Variants in TMEM61 observed in about 807,000 individuals in gnomAD.
TMEM61 encodes transmembrane protein 61.
TMEM61 carries 13 observed loss-of-function variants against 12.0 expected under a neutral mutation model. That is an observed-to-expected ratio of 1.08 (90% confidence interval 0.70 to 1.72). The LOEUF is 1.72. Among genes scored for constraint, TMEM61 ranks in the 40% most tolerant of loss-of-function variants. The pLI is 0.00. For missense variants in TMEM61, 249 were observed against 276.9 expected, an observed-to-expected ratio of 0.90 and a Z score of 0.71; for synonymous variants, 109 against 121.4, an observed-to-expected ratio of 0.90 and a Z score of 0.67.
At chr1:54,981,179 TG>T in intron 1 of TMEM61, 99 bp downstream of exon 1, 1 of 1,395,970 alleles carries the variant, frequency 7.2e-7, no homozygotes, top group Non-Finnish European at 9.7e-7. Flanking sequence ...CACCGTGGCT[TG>T]GTGGGCAGTG....
At position 54,980,994 on chromosome 1, in the gene TMEM61, TCCTCCACCACCACA is replaced by T; in HGVS notation, c.-68_-55del. 6.7e-7 allele frequency: 1 copy of T among 1,495,968 alleles called. No homozygotes were observed. Among genetic ancestry groups the T allele is most frequent in the Non-Finnish European group, 9.0e-7 (1 of 1,114,880 alleles). 92.7% of individuals were successfully genotyped at this position (1,495,968 alleles called of 1,614,324 possible). ...CTGGTAGGGTCGCTCAGCCCTGGCGTCCTCCACCACCACACCTTCACCTGCGCCCGGCTCCCTGC... is the reference window on the plus strand; with the variant it reads ...CTGGTAGGGTCGCTCAGCCCTGGCGTCCTTCACCTGCGCCCGGCTCCCTGC... On this transcript the variant is annotated 5_prime_UTR_variant, in exon 1 of 3. Transcript: ENST00000371268.
chr1:54,990,450 G>A (rs1022186842), intron 2 of TMEM61, among the ~76,000 whole-genome samples: 7 of 152,136 alleles, frequency 4.6e-5, no homozygotes, highest in African/African-American at 1.2e-4. Context: ...GGTGCTGGGC[G>A]TTCACCTGAG....
chr1:54,990,088 T>G (rs1015975574), intron 2 of TMEM61, among the ~76,000 whole-genome samples: 2 of 152,124 alleles, frequency 1.3e-5, no homozygotes, highest in African/African-American at 4.8e-5. Flanking sequence ...AGGAGGAATA[T>G]TCTCTGTCCT....
chr1:54,983,330 C>G (rs1446253525), intron 1 of TMEM61, among the ~76,000 whole-genome samples: 1 of 151,822 alleles, frequency 6.6e-6, no homozygotes, highest in Non-Finnish European at 1.5e-5. Flanking sequence ...ACCATATTGC[C>G]CAGGCTGGTC....
chr1:54,985,892 T>C (rs924492064), intron 1 of TMEM61, among the ~76,000 whole-genome samples: 2 of 152,210 alleles, frequency 1.3e-5, no homozygotes, highest in African/African-American at 4.8e-5. Flanking sequence ...GTCATGGTGC[T>C]GATACATGTT....
rs1644259405 is a variant in TMEM61, at chr1:54,986,332, G to A, written c.251G>A (p.Gly84Asp). 1 of 1,613,890 alleles carries A rather than the reference G, an allele frequency of 6.2e-7. No individual in the cohort carries two copies. The highest frequency in any genetic ancestry group is 1.3e-5 in the African/African-American group (1 of 74,928). The change falls in exon 2 of 3, where the codon GGC (glycine) becomes GAC (aspartate). Residue 84 changes from glycine to aspartate, a missense_variant. By Grantham distance (94) the Gly-to-Asp change is moderately conservative. Coordinates refer to ENST00000371268, the MANE Select transcript of TMEM61 (RefSeq NM_182532.3). Reference protein sequence around the residue: ...CGAGGLLLLIGLLWSVKASIP... With the variant: ...CGAGGLLLLIDLLWSVKASIP... ...GCAGGTGGCCTGCTGCTGCTCATTG[G>A]CCTGCTGTGGTCCGTCAAGGCCAGC...
chr1:54,984,538 A>G (rs1287604934), intron 1 of TMEM61, among the ~76,000 whole-genome samples: 2 of 152,128 alleles, frequency 1.3e-5, no homozygotes, highest in African/African-American at 4.8e-5. Context: ...GTGAGGGTGG[A>G]TTTTCACCCG....
intron 1 of TMEM61, among the ~76,000 whole-genome samples, chr1:54,985,035 G>A (rs1056016313): frequency 6.6e-6 from 1 of 152,140 alleles, no homozygotes; most frequent in African/African-American, 2.4e-5. Flanking sequence ...AAAGCAAGAT[G>A]TGATAAATGT....
chr1:54,990,331 C>T (rs1284768367), intron 2 of TMEM61, among the ~76,000 whole-genome samples: 2 of 152,162 alleles, frequency 1.3e-5, no homozygotes, highest in African/African-American at 4.8e-5. Flanking sequence ...CATCAATCTG[C>T]TCCGTCACCC....
chr1:54,988,871 C>T lies in TMEM61; in HGVS notation c.365+2425C>T, dbSNP rs796553007. Reference sequence around the variant, plus strand: ...CTTAGTGAGGTGGCTGGATGTGGGGCCTCCAGTAGTCCCTGCTCTTTCTTT... The same window carrying T: ...CTTAGTGAGGTGGCTGGATGTGGGGTCTCCAGTAGTCCCTGCTCTTTCTTT... On this transcript the variant is annotated intron_variant, in intron 2 of 2. Transcript: ENST00000371268. 8.3e-4 allele frequency among the ~76,000 whole-genome samples: 127 copies of T among 152,232 alleles called. 1 individual carries two copies. Among genetic ancestry groups the T allele is most frequent in the African/African-American group, 2.8e-3 (117 of 41,528 alleles).
Position 54,992,226 on chromosome 1 carries a change from C to T in TMEM61, c.*123C>T. On this transcript the variant is annotated 3_prime_UTR_variant, in exon 3 of 3. Transcript: ENST00000371268. ...CGTTGTTGAAGGCTGTTCTATTTAT[C>T]TATTGCTGTATAACAAACCACCCCA... is the stretch of plus-strand genomic sequence containing the variant. 8.2e-7 allele frequency: 1 copy of T among 1,217,152 alleles called. No homozygotes were observed. Among genetic ancestry groups the T allele is most frequent in the Non-Finnish European group, 1.1e-6 (1 of 877,614 alleles). The allele number at this position is 1,217,152 out of a possible 1,614,324, so 75.4% of individuals were successfully genotyped here.
chr1:54,984,666 C>T (rs1644246517), intron 1 of TMEM61, among the ~76,000 whole-genome samples: 1 of 152,210 alleles, frequency 6.6e-6, no homozygotes, highest in African/African-American at 2.4e-5. Context: ...GGACCCTGCC[C>T]TCAGGGAGCT....
In TMEM61 at chr1:54,980,932, C is replaced by G. The variant is rs1185156719; in HGVS notation, c.-134C>G. ...GGGCAGCGGCCAGGCCCCTCCGCCCCTAACACCCGCGCCTCCTGCAGACCC... is the reference window on the plus strand; with the variant it reads ...GGGCAGCGGCCAGGCCCCTCCGCCCGTAACACCCGCGCCTCCTGCAGACCC... On this transcript the variant is annotated 5_prime_UTR_variant, in exon 1 of 3. Coordinates refer to ENST00000371268, the MANE Select transcript of TMEM61 (RefSeq NM_182532.3). The G allele has an allele frequency of 3.0e-6, 3 of 992,544 alleles. No individual in the cohort carries two copies. The African/African-American group carries it at 4.9e-5, about 16-fold the overall frequency. 61.5% of individuals were successfully genotyped at this position (992,544 alleles called of 1,614,324 possible). A position where few individuals can be genotyped will look rare whatever the true frequency, so the allele number is the denominator to read the frequency against.
intron 1 of TMEM61, among the ~76,000 whole-genome samples, chr1:54,984,845 A>G (rs1230883403): frequency 6.6e-6 from 1 of 152,202 alleles, no homozygotes; most frequent in Admixed American, 6.5e-5. Context: ...TTACAGGTAC[A>G]GGGACTGGAA....
Position 54,991,982 on chromosome 1 carries a change from C to T in TMEM61, c.512C>T (p.Ala171Val). The T allele has an allele frequency of 6.2e-7, 1 of 1,614,178 alleles. No homozygotes were observed. Residue 171 changes from alanine (A) to valine (V), a missense_variant, in exon 3 of 3, where the codon GCC becomes GTC. Ala to Val is a moderately conservative substitution (Grantham distance 64). Transcript: ENST00000371268. ...SRDALLSTQPAWPPPSYESIS... is the reference protein window; with the variant it reads ...SRDALLSTQPVWPPPSYESIS... ...GATGCCCTGCTCAGCACCCAGCCCG[C>T]CTGGCCTCCACCCAGCTATGAGAGC...
intron 1 of TMEM61, among the ~76,000 whole-genome samples, chr1:54,985,887 G>C (rs968451689): frequency 6.6e-6 from 1 of 152,158 alleles, no homozygotes; most frequent in African/African-American, 2.4e-5. Flanking sequence ...TCCCAGTCAT[G>C]GTGCTGATAC....
Position 54,980,891 on chromosome 1 carries a change from G to A in TMEM61, c.-175G>A. Reference sequence around the variant, plus strand: ...GAGCCAGACCTCGGTTTTGCGGGCTGGGGAGCAGGGCTCGGGGGCAGCGGC... The same window carrying A: ...GAGCCAGACCTCGGTTTTGCGGGCTAGGGAGCAGGGCTCGGGGGCAGCGGC... On this transcript the variant is annotated 5_prime_UTR_variant, in exon 1 of 3. Transcript: ENST00000371268. The A allele has an allele frequency of 1.7e-6, 1 of 598,110 alleles. No homozygotes were observed. Among genetic ancestry groups the A allele is most frequent in the Non-Finnish European group, 2.6e-6 (1 of 379,930 alleles). 37.1% of individuals were successfully genotyped at this position (598,110 alleles called of 1,614,324 possible). A position where few individuals can be genotyped will look rare whatever the true frequency, so the allele number is the denominator to read the frequency against.
Position 54,986,404 on chromosome 1 carries a change from T to C in TMEM61, c.323T>C (p.Leu108Pro). 1 of 1,604,758 alleles carries C rather than the reference T, an allele frequency of 6.2e-7. No individual in the cohort carries two copies. Among genetic ancestry groups the C allele is most frequent in the South Asian group, 1.1e-5 (1 of 89,980 alleles). The change falls in exon 2 of 3, where the codon CTG (leucine) becomes CCG (proline). Residue 108 changes from leucine (L) to proline (P), a missense_variant. Leu to Pro is a moderately conservative substitution (Grantham distance 98). Transcript: ENST00000371268. ...RWDPYHLSRD[L>P]YYLTVESSEK... is the part of the protein sequence containing the mutation. ...GACCCCTATCACCTCTCCAGAGACCTGTACTACCTCACTGTGGAGTCCTCA... is the reference window on the plus strand; with the variant it reads ...GACCCCTATCACCTCTCCAGAGACCCGTACTACCTCACTGTGGAGTCCTCA...
chr1:54,985,437 C>T (rs539654347), intron 1 of TMEM61, among the ~76,000 whole-genome samples: 2 of 152,280 alleles, frequency 1.3e-5, no homozygotes, highest in East Asian at 3.9e-4. Context: ...GGGATTCACC[C>T]TGTTGGCCAG....
Sources: gnomAD v4.1 joint callset for allele counts (sites outside exome capture counted in the v4.1 genomes callset) on GRCh38, gnomAD v4.1.1 for gene constraint, MANE v1.5 for transcripts, NCBI Gene and HGNC (gene_info 2026-07-23, HGNC 2026-07-21) for gene names.